The following SPAG16 variants were observed in gnomAD, a reference collection of about 807,000 sequenced individuals.
The protein encoded by SPAG16 is sperm associated antigen 16.
In SPAG16, 86 loss-of-function variants were observed where a neutral mutation model predicts 80.4. That is an observed-to-expected ratio of 1.07 (90% confidence interval 0.90 to 1.28). The LOEUF (loss-of-function observed/expected upper bound fraction) is 1.28. Among genes scored for constraint, SPAG16 ranks in the 50% most tolerant of loss-of-function variants. SPAG16 has a pLI of 0.00. For missense variants in SPAG16, 870 were observed against 765.3 expected (o/e 1.14, Z -1.61); for synonymous variants, 294 against 265.9 (o/e 1.11, Z -1.03).
At chr2:214,334,205 C>G (rs1697124773) in intron 15 of SPAG16, among the ~76,000 whole-genome samples, 1 of 152,186 alleles carries the variant, frequency 6.6e-6, no homozygotes, top group South Asian at 2.1e-4. Flanking sequence ...TGATCACGCT[C>G]TGATTTAACT....
At chr2:213,633,548 A>G (rs929191330) in intron 10 of SPAG16, among the ~76,000 whole-genome samples, 4 of 152,136 alleles carry the variant, frequency 2.6e-5, no homozygotes, top group South Asian at 2.1e-4. Flanking sequence ...CATTTGGTCT[A>G]TAGTGCTGAT....
intron 6 of SPAG16, among the ~76,000 whole-genome samples, chr2:213,341,316 G>A (rs1410283238): frequency 2.6e-5 from 4 of 152,162 alleles, no homozygotes; most frequent in Non-Finnish European, 2.9e-5. Flanking sequence ...TACTTTGCCC[G>A]ATAGCTGCGC....
chr2:213,825,501 A>C (rs980317102), intron 10 of SPAG16, among the ~76,000 whole-genome samples: 2 of 151,836 alleles, frequency 1.3e-5, no homozygotes, highest in African/African-American at 4.8e-5. Context: ...TTTTTCCTTC[A>C]TTCTGTTGGT....
At chr2:213,298,504 A>G (rs1023557846) in intron 3 of SPAG16, among the ~76,000 whole-genome samples, 1 of 152,240 alleles carries the variant, frequency 6.6e-6, no homozygotes, top group Non-Finnish European at 1.5e-5. Flanking sequence ...TTGGTAAAGT[A>G]CATGTGGCTA....
At chr2:214,161,511 G>A (rs543948401) in intron 15 of SPAG16, among the ~76,000 whole-genome samples, 25 of 152,236 alleles carry the variant, frequency 1.6e-4, no homozygotes, top group Admixed American at 1.0e-3. Flanking sequence ...GGCATGAGAT[G>A]GTATGTCATT....
At chr2:213,320,488 A>G (rs56336545) in intron 5 of SPAG16, among the ~76,000 whole-genome samples, 2,133 of 152,022 alleles carry the variant, frequency 0.014, 44 homozygotes, top group African/African-American at 0.047. Context: ...GTGATATTGA[A>G]CACTAGAAGT....
chr2:213,711,250 T>A (rs1228569620), intron 10 of SPAG16, among the ~76,000 whole-genome samples: 2 of 152,092 alleles, frequency 1.3e-5, no homozygotes. Context: ...GATAAATTGT[T>A]ATGGCAAAAA....
intron 15 of SPAG16, among the ~76,000 whole-genome samples, chr2:214,277,136 A>T (rs761945547): frequency 6.6e-6 from 1 of 152,062 alleles, no homozygotes; most frequent in African/African-American, 2.4e-5. Context: ...TTTCAGCTCC[A>T]TCAGGTCATT....
chr2:213,540,689 T>C (rs550940073), intron 10 of SPAG16, among the ~76,000 whole-genome samples: 222 of 152,372 alleles, frequency 1.5e-3, no homozygotes, highest in African/African-American at 5.2e-3. Context: ...CATTTGTAGT[T>C]CTTCACAATT....
chr2:213,730,633 GT>G, intron 10 of SPAG16, among the ~76,000 whole-genome samples: 1 of 152,114 alleles, frequency 6.6e-6, no homozygotes, highest in Admixed American at 6.5e-5. Context: ...TCTGTCTTTG[GT>G]TTTCTAAAGT....
chr2:213,358,375 C>T (rs1166603863), intron 7 of SPAG16, among the ~76,000 whole-genome samples: 1 of 152,142 alleles, frequency 6.6e-6, no homozygotes, highest in Non-Finnish European at 1.5e-5. Context: ...TCCATTCTCC[C>T]CATCACTTTC....
chr2:213,997,941 C>G (rs2046606833), intron 12 of SPAG16, among the ~76,000 whole-genome samples: 1 of 152,120 alleles, frequency 6.6e-6, no homozygotes, highest in African/African-American at 2.4e-5. Flanking sequence ...ATTTAATACT[C>G]TTAAGGAGCT....
chr2:214,071,424 A>G (rs2050782461), intron 13 of SPAG16, among the ~76,000 whole-genome samples: 1 of 152,166 alleles, frequency 6.6e-6, no homozygotes, highest in Non-Finnish European at 1.5e-5. Context: ...AAAGTAATTC[A>G]GTAAACAGTA....
intron 10 of SPAG16, among the ~76,000 whole-genome samples, chr2:213,707,462 G>A (rs1490349246): frequency 1.3e-5 from 2 of 152,024 alleles, no homozygotes; most frequent in Admixed American, 6.5e-5. Context: ...CCAAATCATG[G>A]ATTAGTCACT....
intron 10 of SPAG16, among the ~76,000 whole-genome samples, chr2:213,812,860 G>A (rs1271591159): frequency 6.6e-6 from 1 of 150,854 alleles, no homozygotes; most frequent in African/African-American, 2.4e-5. Context: ...TGTTTCATAT[G>A]TTATCTTTTT....
chr2:213,839,500 C>G (rs1008233433), intron 10 of SPAG16, among the ~76,000 whole-genome samples: 7 of 152,114 alleles, frequency 4.6e-5, no homozygotes, highest in Non-Finnish European at 1.0e-4. Context: ...TTAGGAGTGA[C>G]TGATTTAAAA....
At chr2:214,033,997 T>G (rs1412653008) in intron 13 of SPAG16, among the ~76,000 whole-genome samples, 1 of 152,248 alleles carries the variant, frequency 6.6e-6, no homozygotes, top group Non-Finnish European at 1.5e-5. Context: ...TCTTGTCTCT[T>G]TAGTTCCCTT....
chr2:213,932,187 TATATATATA>T (rs1489890694), intron 12 of SPAG16, among the ~76,000 whole-genome samples: 1 of 24,330 alleles, frequency 4.1e-5, no homozygotes, highest in African/African-American at 7.2e-5. Flanking sequence ...TATATATATA[TATATATATA>T]TATTTGTTGT....
At chr2:213,556,524 G>A (rs557899555) in intron 10 of SPAG16, among the ~76,000 whole-genome samples, 1 of 151,946 alleles carries the variant, frequency 6.6e-6, no homozygotes, top group Non-Finnish European at 1.5e-5. Context: ...ATATGATAAA[G>A]GAATAACTTC....
Sources: allele counts gnomAD v4.1 joint callset (sites outside exome capture counted in the v4.1 genomes callset), GRCh38; gene constraint gnomAD v4.1.1; transcripts MANE v1.5; gene names NCBI Gene and HGNC (gene_info 2026-07-23, HGNC 2026-07-21).